The following FOXO3 variants were observed in gnomAD, a reference collection of about 807,000 sequenced individuals.
The protein encoded by FOXO3 is forkhead box protein O3.
FOXO3 carries 4 observed loss-of-function variants against 41.9 expected under a neutral mutation model. The ratio of observed to expected loss-of-function variants is 0.10; its 90% CI spans 0.05 to 0.22. FOXO3 has a LOEUF of 0.22. FOXO3 is among the 10% of genes least tolerant of loss of function. FOXO3 has a pLI of 1.00. For synonymous variants in FOXO3, 318 were observed against 389.3 expected, an observed-to-expected ratio of 0.82 and a Z score of 2.16; for missense variants, 534 against 906.8, an observed-to-expected ratio of 0.59 and a Z score of 5.28.
rs566593228 is a variant in FOXO3, at chr6:108,574,409, G to A, written c.621+12580G>A. ...AGAAATTTCTGTGTTGGGACAGTAG[G>A]ATATCTGTGCTTTTTATAGGCTTCA... On this transcript the variant is annotated intron_variant, in intron 1 of 2. Coordinates refer to ENST00000406360, the MANE Select transcript of FOXO3 (RefSeq NM_001455.4). 3.3e-5 allele frequency among the ~76,000 whole-genome samples: 5 copies of A among 152,210 alleles called. 1 individual carries two copies. In the South Asian group the frequency reaches 1.0e-3, roughly 32 times the overall value.
rs145119895 is a variant in FOXO3 at position 108,579,933 on chromosome 6, G to A, written c.621+18104G>A. Among the ~76,000 whole-genome samples, 841 of 152,052 alleles carry A rather than the reference G, an allele frequency of 5.5e-3. 3 individuals carry two copies. Among genetic ancestry groups the A allele is most frequent in the Middle Eastern group, 0.014 (4 of 294 alleles). On this transcript the variant is annotated intron_variant, in intron 1 of 2. Coordinates refer to ENST00000406360, the MANE Select transcript of FOXO3 (RefSeq NM_001455.4). ...GGAGGCCTCTGGTTTTGAGACGGTC[G>A]GTGTCCTGACTTCTGTGTGCTGCTG...
rs752765431 is a variant in FOXO3 at position 108,663,761 on chromosome 6, C to T, written c.928C>T (p.Arg310Cys). The change falls in exon 2 of 3, where the codon CGT (arginine) becomes TGT (cysteine). Residue 310 changes from arginine (R) to cysteine (C), a missense_variant. Physicochemically the swap from Arg to Cys is radical, Grantham distance 180 (BLOSUM62 -3). Around this residue, in one of 8 missense-constraint regions of FOXO3, gnomAD observed 185 missense variants for 224.9 expected, o/e 0.82. Transcript: ENST00000406360. Reference protein sequence around the residue: ...SDELDAWTDFRSRTNSNASTV... With the variant: ...SDELDAWTDFCSRTNSNASTV... ...TGAGCTGGATGCGTGGACGGACTTC[C>T]GTTCACGCACCAATTCTAACGCCAG... The T allele has an allele frequency of 6.2e-7, 1 of 1,613,726 alleles. No individual in the cohort carries two copies. The highest frequency in any genetic ancestry group is 1.3e-5 in the African/African-American group (1 of 74,920).
chr6:108,601,095 C>T (rs977820951), intron 1 of FOXO3, among the ~76,000 whole-genome samples: 4 of 152,038 alleles, frequency 2.6e-5, no homozygotes, highest in African/African-American at 9.7e-5. Flanking sequence ...GCAAGCTCCG[C>T]CTCTGGGGTT....
chr6:108,615,126 A>C (rs1777459169), intron 1 of FOXO3, among the ~76,000 whole-genome samples: 1 of 152,108 alleles, frequency 6.6e-6, no homozygotes, highest in Non-Finnish European at 1.5e-5. Context: ...TGCCTTAGAT[A>C]GTCATTATCT....
rs188961078 is a variant in FOXO3 at position 108,593,531 on chromosome 6, C to G, written c.621+31702C>G. ...TAGCTGGGATTACAGGTGCCTGCCA[C>G]CATACCCAGCTCATTTTTATATTTG... On this transcript the variant is annotated intron_variant, in intron 1 of 2. Transcript: ENST00000406360. Among the ~76,000 whole-genome samples the G allele has an allele frequency of 1.2e-3, 186 of 151,712 alleles. No homozygotes were observed. The South Asian group carries it at 0.018, about 15-fold the overall frequency.
chr6:108,625,498 G>T (rs1777788235), intron 1 of FOXO3, among the ~76,000 whole-genome samples: 1 of 152,204 alleles, frequency 6.6e-6, no homozygotes, highest in Non-Finnish European at 1.5e-5. Flanking sequence ...TATTTTCACT[G>T]TATTAATCAT....
chr6:108,600,390 A>G (rs1447276174), intron 1 of FOXO3, among the ~76,000 whole-genome samples: 2 of 151,910 alleles, frequency 1.3e-5, no homozygotes, highest in African/African-American at 4.8e-5. Context: ...TACTAAAGAT[A>G]CAAAAAATTA....
intron 1 of FOXO3, among the ~76,000 whole-genome samples, chr6:108,649,605 A>G (rs1339087880): frequency 6.9e-6 from 1 of 145,584 alleles, no homozygotes; most frequent in Admixed American, 7.0e-5. Context: ...GCTCATGGCA[A>G]CCTCCACTTC....
chr6:108,606,268 A>G (rs1413776010), intron 1 of FOXO3, among the ~76,000 whole-genome samples: 1 of 152,180 alleles, frequency 6.6e-6, no homozygotes, highest in Non-Finnish European at 1.5e-5. Flanking sequence ...AGCTTTGGAG[A>G]TAAGGAGGTC....
In FOXO3 at chr6:108,625,123, T is replaced by C. The variant is rs140503629; in HGVS notation, c.622-38332T>C. On this transcript the variant is annotated intron_variant, in intron 1 of 2. Coordinates refer to ENST00000406360, the MANE Select transcript of FOXO3 (RefSeq NM_001455.4). Reference sequence around the variant, plus strand: ...GACTCATACTAAAAAGTTTATTCATTGAATGAGTACTGTGTGCATAGGGTT... The same window carrying C: ...GACTCATACTAAAAAGTTTATTCATCGAATGAGTACTGTGTGCATAGGGTT... Among the ~76,000 whole-genome samples, 4 of 152,342 alleles carry C rather than the reference T, an allele frequency of 2.6e-5. No individual in the cohort carries two copies. In the East Asian group the frequency reaches 7.7e-4, roughly 29 times the overall value.
At chr6:108,678,138 G>A (rs1259244569) in intron 2 of FOXO3, among the ~76,000 whole-genome samples, 2 of 152,174 alleles carry the variant, frequency 1.3e-5, no homozygotes, top group Non-Finnish European at 2.9e-5. Flanking sequence ...AACATTGAGA[G>A]TGAAAGGTAA....
intron 1 of FOXO3, among the ~76,000 whole-genome samples, chr6:108,638,583 G>A (rs1053681298): frequency 5.3e-5 from 8 of 152,116 alleles, no homozygotes; most frequent in Non-Finnish European, 8.8e-5. Flanking sequence ...TATTCAAGTG[G>A]TGTCAAAAAA....
intron 1 of FOXO3, among the ~76,000 whole-genome samples, chr6:108,635,390 A>G (rs1017678707): frequency 4.1e-4 from 63 of 152,186 alleles, no homozygotes; most frequent in African/African-American, 1.5e-3. Flanking sequence ...AGGAGAGGGA[A>G]TACGAAGGGT....
chr6:108,660,137 G>A (rs1778800395), intron 1 of FOXO3, among the ~76,000 whole-genome samples: 3 of 152,046 alleles, frequency 2.0e-5, no homozygotes, highest in Admixed American at 2.0e-4. Context: ...GGACCTCCGT[G>A]TTTTTTCACT....
chr6:108,661,722 C>T (rs934640359), intron 1 of FOXO3, among the ~76,000 whole-genome samples: 4 of 152,144 alleles, frequency 2.6e-5, no homozygotes, highest in African/African-American at 7.2e-5. Flanking sequence ...TAGATTTGTT[C>T]AGGGTCACAT....
chr6:108,583,677 A>T (rs370867726), intron 1 of FOXO3, among the ~76,000 whole-genome samples: 2 of 152,228 alleles, frequency 1.3e-5, no homozygotes, highest in African/African-American at 4.8e-5. Context: ...TTCTTCAGGC[A>T]CTGGAGAAGT....
intron 2 of FOXO3, among the ~76,000 whole-genome samples, chr6:108,668,667 T>C (rs1187879778): frequency 6.6e-6 from 1 of 152,126 alleles, no homozygotes; most frequent in East Asian, 1.9e-4. Flanking sequence ...TAAAGTACTT[T>C]ACATAAAGAC....
At chr6:108,641,550 T>C (rs1011278162) in intron 1 of FOXO3, among the ~76,000 whole-genome samples, 4 of 152,170 alleles carry the variant, frequency 2.6e-5, no homozygotes, top group South Asian at 2.1e-4. Context: ...ATTTAACTTA[T>C]GGAATAATAA....
At chr6:108,654,723 C>T (rs1778638222) in intron 1 of FOXO3, among the ~76,000 whole-genome samples, 1 of 150,262 alleles carries the variant, frequency 6.7e-6, no homozygotes, top group African/African-American at 2.4e-5. Flanking sequence ...ACAATGTTTA[C>T]TTTAGAGCAT....
Sources: allele counts gnomAD v4.1 joint callset (sites outside exome capture counted in the v4.1 genomes callset), GRCh38; gene constraint gnomAD v4.1.1; regional missense constraint gnomAD v4.1.1; transcripts MANE v1.5; gene names NCBI Gene and HGNC (gene_info 2026-07-23, HGNC 2026-07-21).